The following GALNT6 variants were observed in gnomAD, a reference collection of about 807,000 sequenced individuals.
The protein encoded by GALNT6 is GalNAc transferase 6.
Under a neutral mutation model 65.9 loss-of-function variants are expected in GALNT6, and 51 were observed. The ratio of observed to expected loss-of-function variants is 0.77; its 90% confidence interval spans 0.62 to 0.98. GALNT6 has a LOEUF of 0.98. GALNT6 is among the 50% of genes least tolerant of loss of function. The probability of loss-of-function intolerance (pLI) is 0.00; values close to 1 mark genes in which losing one functional copy is unlikely to be tolerated. For synonymous variants in GALNT6, 323 were observed against 315.1 expected, an observed-to-expected ratio of 1.02 and a Z score of -0.26; for missense variants, 708 against 803.3, an observed-to-expected ratio of 0.88 and a Z score of 1.43.
intron 3 of GALNT6, 60 bp downstream of exon 3, chr12:51,379,231 T>A (rs1947572381): frequency 2.7e-6 from 4 of 1,493,334 alleles, no homozygotes; most frequent in Non-Finnish European, 3.6e-6. Context: ...GCCCTGGCCA[T>A]ACTAGCCATG....
Position 51,354,350 on chromosome 12 carries a change from G to T in GALNT6, c.*29C>A, listed in dbSNP as rs200103893. The T allele has an allele frequency of 5.8e-6, 7 of 1,206,962 alleles. No individual in the cohort carries two copies. The highest frequency in any genetic ancestry group is 7.0e-6 in the Non-Finnish European group (6 of 858,652). 74.8% of individuals were successfully genotyped at this position (1,206,962 alleles called of 1,614,324 possible). ...CAATCCTGTTTCCTGAGGAGCTTGT[G>T]GGGGCTCTCTCTGGGGATGATCTGG... On this transcript the variant is annotated 3_prime_UTR_variant, in exon 12 of 12. Transcript: ENST00000356317.
In GALNT6 at chr12:51,377,323, G is replaced by C. The variant is rs1409813266; in HGVS notation, c.536C>G (p.Thr179Ser). Residue 179 changes from threonine to serine, a missense_variant, in exon 4 of 12, where the codon ACC becomes AGC. By Grantham distance (58) the Thr-to-Ser change is moderately conservative. Coordinates refer to ENST00000356317, the MANE Select transcript of GALNT6 (RefSeq NM_007210.4). ...GTTGTGGAACACAATGATCACGCTG[G>C]TGGTGGCCAGTGGGGGGCAGCGCCG... Reference protein sequence around the residue: ...KFRRCPPLATTSVIIVFHNEA... With the variant: ...KFRRCPPLATSSVIIVFHNEA... 8 of 1,612,918 alleles carry C rather than the reference G, an allele frequency of 5.0e-6. No individual in the cohort carries two copies. Among genetic ancestry groups the C allele is most frequent in the South Asian group, 2.2e-5 (2 of 91,026 alleles).
rs376728010 is a variant in GALNT6, at chr12:51,355,868, T to C, written c.1693A>G (p.Ser565Gly). The C allele has an allele frequency of 2.5e-6, 4 of 1,613,798 alleles. No individual in the cohort carries two copies. The highest frequency in any genetic ancestry group is 1.3e-5 in the African/African-American group (1 of 74,906). Residue 565 changes from serine to glycine, a missense_variant, in exon 11 of 12, where the codon AGC becomes GGC. Coordinates refer to ENST00000356317, the MANE Select transcript of GALNT6 (RefSeq NM_007210.4). ...CTATTCTTGCCAGTGAAGTGACAGC[T>C]CCCAAGGCCCAGAGCACCCTTGCTG... is the stretch of plus-strand genomic sequence containing the variant. ...HVSKGALGLG[S>G]CHFTGKNSQV...
intron 6 of GALNT6, among the ~76,000 whole-genome samples, chr12:51,361,936 C>A (rs1051102683): frequency 6.6e-6 from 1 of 152,100 alleles, no homozygotes; most frequent in Non-Finnish European, 1.5e-5. Flanking sequence ...ACTGTTCATT[C>A]GCATGATCCA....
At chr12:51,380,938 G>C (rs1219004091) in intron 2 of GALNT6, among the ~76,000 whole-genome samples, 1 of 152,100 alleles carries the variant, frequency 6.6e-6, no homozygotes, top group Admixed American at 6.6e-5. Flanking sequence ...TAATTCTTTA[G>C]ACCCTATACG....
Position 51,365,509 on chromosome 12 carries a change from C to T in GALNT6, c.735G>A (p.Glu245=). 1.2e-6 allele frequency: 2 copies of T among 1,612,750 alleles called. No individual in the cohort carries two copies. The highest frequency in any genetic ancestry group is 2.1e-4 in the Middle Eastern group (1 of 4,874). The change falls in exon 5 of 12, where the codon GAG becomes GAA. Residue 245 remains glutamate, a synonymous_variant. Transcript: ENST00000356317. ...LQVVRVVRQE[E]RKGLITARLL... ...GCCGGGCGGTGATCAGCCCCTTCCG[C>T]TCCTCCTGCCGCACCACCCTCACCA...
chr12:51,356,051 G>T, intron 10 of GALNT6, 93 bp from the exon 11 acceptor site: 1 of 1,150,432 alleles, frequency 8.7e-7, no homozygotes, highest in Non-Finnish European at 1.3e-6. Context: ...TGGTCTCCTG[G>T]GGAGGAGAGT....
intron 4 of GALNT6, among the ~76,000 whole-genome samples, chr12:51,373,916 A>G (rs768437700): frequency 6.6e-6 from 1 of 152,146 alleles, no homozygotes; most frequent in Non-Finnish European, 1.5e-5. Flanking sequence ...CTGGAGTACA[A>G]TGGTGCAGTC....
intron 4 of GALNT6, among the ~76,000 whole-genome samples, chr12:51,374,010 C>T (rs1947372691): frequency 1.3e-5 from 2 of 152,266 alleles, no homozygotes; most frequent in Admixed American, 1.3e-4. Context: ...CAGGCACATG[C>T]CACCGTGCCC....
rs146126754 is a variant in GALNT6 at position 51,365,413 on chromosome 12, G to A, written c.814+17C>T. 1,013 of 1,600,602 alleles carry A rather than the reference G, an allele frequency of 6.3e-4. 5 individuals are homozygous for A. The African/African-American group carries it at 0.012, about 19-fold the overall frequency. On this transcript the variant is annotated intron_variant, in intron 5 of 11. Transcript: ENST00000356317. ...GGAGCCTCCAGGTTACACCCAGGCC[G>A]GTGCCCTGGTACTCACAGTGGGCAT...
At chr12:51,361,937 G>A (rs1267011449) in intron 6 of GALNT6, among the ~76,000 whole-genome samples, 1 of 152,056 alleles carries the variant, frequency 6.6e-6, no homozygotes, top group African/African-American at 2.4e-5. Context: ...CTGTTCATTC[G>A]CATGATCCAT....
At chr12:51,357,167 C>T (rs751636072) in intron 10 of GALNT6, among the ~76,000 whole-genome samples, 182 bp downstream of exon 10, 5 of 152,276 alleles carry the variant, frequency 3.3e-5, no homozygotes, top group South Asian at 2.1e-4. Flanking sequence ...ACCGATGCCT[C>T]GTTCTCTCCG....
chr12:51,383,816 T>C (rs1947745746), intron 2 of GALNT6, among the ~76,000 whole-genome samples: 1 of 152,102 alleles, frequency 6.6e-6, no homozygotes, highest in South Asian at 2.1e-4. Flanking sequence ...ACACAGAATC[T>C]AGTGCAAGCC....
Position 51,352,405 on chromosome 12 carries a change from CATA to C in GALNT6, c.*1971_*1973del, listed in dbSNP as rs1946636061. 1 of 152,190 alleles carries C rather than the reference CATA, an allele frequency of 6.6e-6. No individual in the cohort carries two copies. Among genetic ancestry groups the C allele is most frequent in the Non-Finnish European group, 1.5e-5 (1 of 68,030 alleles). The allele number at this position is 152,190 out of a possible 1,614,324, so 9.4% of individuals were successfully genotyped here. A position where few individuals can be genotyped will look rare whatever the true frequency, so the allele number is the denominator to read the frequency against. Reference sequence around the variant, plus strand: ...AGATTCACTTACCTGGACTCAGTTTCATAATATGAAAATGATAGGGTTGGGCTA... The same window carrying C: ...AGATTCACTTACCTGGACTCAGTTTCATATGAAAATGATAGGGTTGGGCTA... On this transcript the variant is annotated 3_prime_UTR_variant, in exon 12 of 12. Coordinates refer to ENST00000356317, the MANE Select transcript of GALNT6 (RefSeq NM_007210.4).
Position 51,364,328 on chromosome 12 carries a change from G to A in GALNT6, c.842C>T (p.Pro281Leu). The A allele has an allele frequency of 6.2e-7, 1 of 1,614,118 alleles. No individual in the cohort carries two copies. Among genetic ancestry groups the A allele is most frequent in the Non-Finnish European group, 8.5e-7 (1 of 1,179,974 alleles). The part of the protein sequence containing the change: ...HCECFHGWLE[P>L]LLARIAEDKT... The stretch of plus-strand genomic sequence containing the variant: ...GTCCTCAGCGATTCGAGCCAGGAGG[G>A]GCTCCAGCCAGCCGTGGAAGCACTC... The change falls in exon 6 of 12, where the codon CCC becomes CTC. Residue 281 changes from proline to leucine, a missense_variant. Physicochemically the swap from Pro to Leu is moderately conservative, Grantham distance 98. Transcript: ENST00000356317.
At chr12:51,372,084 A>G (rs1448662480) in intron 4 of GALNT6, among the ~76,000 whole-genome samples, 3 of 152,130 alleles carry the variant, frequency 2.0e-5, no homozygotes, top group Non-Finnish European at 4.4e-5. Flanking sequence ...ATTAAATGCA[A>G]AAATGTGGGT....
Position 51,354,278 on chromosome 12 carries a change from T to C in GALNT6, c.*101A>G, listed in dbSNP as rs889912601. The C allele has an allele frequency of 1.4e-5, 9 of 647,922 alleles. No homozygotes were observed. In the Admixed American group the frequency reaches 3.1e-4, roughly 22 times the overall value. The allele number at this position is 647,922 out of a possible 1,614,324, so 40.1% of individuals were successfully genotyped here. ...GCCACCCAGTGGGTTTAGAAATCCA[T>C]CTTTACGGCCTCCAGAGAAGCTGGT... On this transcript the variant is annotated 3_prime_UTR_variant, in exon 12 of 12. Coordinates refer to ENST00000356317, the MANE Select transcript of GALNT6 (RefSeq NM_007210.4).
intron 4 of GALNT6, among the ~76,000 whole-genome samples, chr12:51,367,886 T>C (rs186183482): frequency 8.5e-5 from 13 of 152,248 alleles, no homozygotes; most frequent in Middle Eastern, 3.4e-3. Flanking sequence ...CCAGTGTTTA[T>C]AGATGGGGAA....
intron 4 of GALNT6, among the ~76,000 whole-genome samples, chr12:51,371,141 T>C (rs908717917): frequency 9.9e-5 from 15 of 151,548 alleles, no homozygotes; most frequent in African/African-American, 3.1e-4. Flanking sequence ...TGGAGTGCAA[T>C]GGTGTGATCT....
Sources: gnomAD v4.1 joint callset for allele counts (sites outside exome capture counted in the v4.1 genomes callset) on GRCh38, gnomAD v4.1.1 for gene constraint, MANE v1.5 for transcripts, NCBI Gene and HGNC (gene_info 2026-07-23, HGNC 2026-07-21) for gene names.